The following FNIP1 variants were observed in gnomAD, a reference collection of about 807,000 sequenced individuals.
The protein encoded by FNIP1 is folliculin interacting protein 1.
FNIP1 carries 40 observed loss-of-function variants against 124.5 expected under a neutral mutation model. That is an observed-to-expected ratio of 0.32 (90% CI 0.25 to 0.42). The LOEUF is 0.42. Ranked by LOEUF, FNIP1 falls within the 10% of genes least tolerant of loss-of-function variation. FNIP1 has a pLI of 1.00. For synonymous variants in FNIP1, 472 were observed against 470.6 expected, an observed-to-expected ratio of 1.00 and a Z score of -0.04; for missense variants, 1,176 against 1,403.7, an observed-to-expected ratio of 0.84 and a Z score of 2.59.
At chr5:131,706,379 A>C in intron 9 of FNIP1, 32 bp downstream of exon 9, 2 of 1,570,460 alleles carry the variant, frequency 1.3e-6, no homozygotes, top group Non-Finnish European at 1.7e-6. Context: ...GGAACTACTC[A>C]ATCTTGTTCT....
At chr5:131,710,397 T>C (rs1453559085) in intron 7 of FNIP1, among the ~76,000 whole-genome samples, 181 bp downstream of exon 7, 1 of 152,240 alleles carries the variant, frequency 6.6e-6, no homozygotes, top group African/African-American at 2.4e-5. Context: ...ATCCGGTGTC[T>C]GGAAACTTTA....
intron 1 of FNIP1, among the ~76,000 whole-genome samples, chr5:131,785,982 C>T (rs770871857): frequency 4.3e-4 from 65 of 151,738 alleles, no homozygotes; most frequent in East Asian, 1.9e-4. Context: ...GAGTCATAAC[C>T]GATTCCAAAA....
At chr5:131,695,411 G>A (rs1361148805) in intron 11 of FNIP1, among the ~76,000 whole-genome samples, 14 of 152,122 alleles carry the variant, frequency 9.2e-5, no homozygotes, top group Admixed American at 9.2e-4. Context: ...TTACCATTTA[G>A]TTATTGTTTC....
intron 11 of FNIP1, among the ~76,000 whole-genome samples, chr5:131,690,439 G>A (rs1240606891): frequency 1.3e-5 from 2 of 152,054 alleles, no homozygotes; most frequent in Non-Finnish European, 1.5e-5. Context: ...GAATCACGGA[G>A]GCGGTTTCCC....
chr5:131,748,961 T>C (rs1459032581), intron 1 of FNIP1, among the ~76,000 whole-genome samples: 1 of 152,118 alleles, frequency 6.6e-6, no homozygotes, highest in Non-Finnish European at 1.5e-5. Flanking sequence ...CCTGACTCTA[T>C]GTAGGCCTAC....
intron 2 of FNIP1, among the ~76,000 whole-genome samples, chr5:131,737,699 TAGTA>T (rs1770361552): frequency 6.6e-6 from 1 of 152,228 alleles, no homozygotes; most frequent in Admixed American, 6.5e-5. Flanking sequence ...CATGTAAAGA[TAGTA>T]AGTGCTAACG....
rs925543035 is a variant in FNIP1, at chr5:131,643,861, T to C, written c.*824A>G. On this transcript the variant is annotated 3_prime_UTR_variant, in exon 18 of 18. Transcript: ENST00000510461. ...TTCATTTATGTTAAATTAGTGAATA[T>C]GTAAATATTAATATTTATAAGAACA... is the stretch of plus-strand genomic sequence containing the variant. The C allele has an allele frequency of 6.6e-6, 1 of 152,532 alleles. No homozygotes were observed. Among genetic ancestry groups the C allele is most frequent in the East Asian group, 1.9e-4 (1 of 5,196 alleles). 9.4% of individuals were successfully genotyped at this position (152,532 alleles called of 1,614,324 possible). A position where few individuals can be genotyped will look rare whatever the true frequency, so the allele number is the denominator to read the frequency against.
In FNIP1 at chr5:131,672,007, T is replaced by A. The variant is rs1466993016; in HGVS notation, c.2437A>T (p.Met813Leu). The A allele has an allele frequency of 1.9e-6, 3 of 1,614,092 alleles. No individual in the cohort carries two copies. In the African/African-American group the frequency reaches 4.0e-5, roughly 22 times the overall value. Reference protein sequence around the residue: ...DQSGESDTQNMVSEEPCELPC... With the variant: ...DQSGESDTQNLVSEEPCELPC... ...AGTTCACAGGGCTCTTCAGAAACCA[T>A]GTTCTGTGTATCAGACTCTCCAGAT... Residue 813 changes from methionine (M) to leucine (L), a missense_variant, in exon 14 of 18, where the codon ATG becomes TTG. Transcript: ENST00000510461.
At chr5:131,663,518 T>C (rs1488077162) in intron 15 of FNIP1, among the ~76,000 whole-genome samples, 2 of 150,770 alleles carry the variant, frequency 1.3e-5, no homozygotes, top group African/African-American at 5.0e-5. Context: ...AATCTTTTTG[T>C]AAATAAAAAA....
At chr5:131,681,159 T>G (rs1424894097) in intron 11 of FNIP1, among the ~76,000 whole-genome samples, 3 of 152,194 alleles carry the variant, frequency 2.0e-5, no homozygotes, top group Admixed American at 6.5e-5. Flanking sequence ...TTTTCCAAAC[T>G]CTTCCTGGCA....
At chr5:131,747,993 A>C (rs1181943599) in intron 1 of FNIP1, among the ~76,000 whole-genome samples, 1 of 152,052 alleles carries the variant, frequency 6.6e-6, no homozygotes, top group African/African-American at 2.4e-5. Flanking sequence ...AAAGATGTAC[A>C]TGGGTGCAGA....
At chr5:131,774,146 C>T (rs1287443588) in intron 1 of FNIP1, among the ~76,000 whole-genome samples, 1 of 152,170 alleles carries the variant, frequency 6.6e-6, no homozygotes, top group Non-Finnish European at 1.5e-5. Flanking sequence ...CCGGCCTTAG[C>T]CTCTGAAGTA....
chr5:131,706,365 T>C, intron 9 of FNIP1, 46 bp downstream of exon 9: 1 of 1,490,078 alleles, frequency 6.7e-7, no homozygotes, highest in Non-Finnish European at 9.0e-7. Flanking sequence ...AAAATTGTGT[T>C]TAAGGAACTA....
At chr5:131,683,413 C>T (rs1038806026) in intron 11 of FNIP1, among the ~76,000 whole-genome samples, 2 of 151,720 alleles carry the variant, frequency 1.3e-5, no homozygotes, top group African/African-American at 2.4e-5. Context: ...ATTAGCCAGG[C>T]GTGGTGGTGG....
intron 11 of FNIP1, among the ~76,000 whole-genome samples, chr5:131,696,879 T>G (rs146664551): frequency 1.2e-3 from 190 of 152,216 alleles, no homozygotes; most frequent in African/African-American, 4.4e-3. Flanking sequence ...AACATTATGA[T>G]GCATAAACCA....
intron 2 of FNIP1, among the ~76,000 whole-genome samples, chr5:131,734,165 C>T (rs1171576798): frequency 3.3e-5 from 5 of 152,086 alleles, no homozygotes; most frequent in African/African-American, 7.2e-5. Context: ...TCTGCGGGAT[C>T]GGTGGTGATA....
intron 15 of FNIP1, among the ~76,000 whole-genome samples, chr5:131,652,932 C>T (rs1767082635): frequency 6.6e-6 from 1 of 152,028 alleles, no homozygotes; most frequent in Non-Finnish European, 1.5e-5. Context: ...CCACAGCCCT[C>T]CAGTGTGGGT....
At chr5:131,784,730 G>A (rs994237319) in intron 1 of FNIP1, among the ~76,000 whole-genome samples, 3 of 151,494 alleles carry the variant, frequency 2.0e-5, no homozygotes, top group Non-Finnish European at 4.4e-5. Context: ...GCTGGGGTGG[G>A]AAGATCACTT....
rs1281703324 is a variant in FNIP1, at chr5:131,679,104, G to A, written c.1274C>T (p.Thr425Ile). The part of the protein sequence containing the change: ...EPVWLTMMSG[T>I]PEKNHLCYRF... ...ATAGCAAAGGTGGTTCTTTTCTGGA[G>A]TCCCCGACATCATTGTAAGCCAGAC... The change falls in exon 12 of 18, where the codon ACT becomes ATT. Residue 425 changes from threonine to isoleucine, a missense_variant. Thr to Ile is a moderately conservative substitution (Grantham distance 89, BLOSUM62 -1). Coordinates refer to ENST00000510461, the MANE Select transcript of FNIP1 (RefSeq NM_133372.3). 6.2e-7 allele frequency: 1 copy of A among 1,608,714 alleles called. No homozygotes were observed. The highest frequency in any genetic ancestry group is 1.1e-5 in the South Asian group (1 of 90,764).
Sources: allele counts gnomAD v4.1 joint callset (sites outside exome capture counted in the v4.1 genomes callset), GRCh38; gene constraint gnomAD v4.1.1; transcripts MANE v1.5; gene names NCBI Gene and HGNC (gene_info 2026-07-23, HGNC 2026-07-21).